JAKMIP2: variants seen among roughly 807,000 people sequenced by gnomAD.
The protein encoded by JAKMIP2 is janus kinase and microtubule interacting protein 2, also known as janus kinase and microtubule-interacting protein 2.
Under a neutral mutation model 115.0 loss-of-function variants are expected in JAKMIP2, and 25 were observed. The observed-to-expected ratio is 0.22, with a 90% CI of 0.16 to 0.30. The LOEUF is 0.30. Ranked by LOEUF, JAKMIP2 falls within the 10% of genes least tolerant of loss-of-function variation. JAKMIP2 has a pLI of 1.00. For synonymous variants in JAKMIP2, 334 were observed against 343.6 expected, an observed-to-expected ratio of 0.97 and a Z score of 0.31; for missense variants, 642 against 957.6, an observed-to-expected ratio of 0.67 and a Z score of 4.35.
At chr5:147,671,554 G>A (rs995950844) in intron 2 of JAKMIP2, 124 bp downstream of exon 2, 29 of 681,462 alleles carry the variant, frequency 4.3e-5, no homozygotes, top group Middle Eastern at 4.6e-4. Context: ...TACAGGGGAC[G>A]TTGCCCTCTC....
chr5:147,743,217 G>A (rs1430907719), intron 1 of JAKMIP2, among the ~76,000 whole-genome samples: 1 of 152,116 alleles, frequency 6.6e-6, no homozygotes, highest in Admixed American at 6.5e-5. Context: ...TTCAAGCCAA[G>A]GCTGTCTGAC....
intron 1 of JAKMIP2, 26 bp downstream of exon 1, chr5:147,782,430 A>C: frequency 1.3e-6 from 2 of 1,535,628 alleles, no homozygotes; most frequent in Non-Finnish European, 1.7e-6. Flanking sequence ...TAAACCAAGA[A>C]GGGAGCCCTA....
At chr5:147,657,189 G>A (rs901620924) in intron 3 of JAKMIP2, among the ~76,000 whole-genome samples, 3 of 152,040 alleles carry the variant, frequency 2.0e-5, no homozygotes, top group Non-Finnish European at 1.5e-5. Context: ...CTGAGGCAGG[G>A]GAATGGCATG....
At chr5:147,672,808 T>A (rs1486121676) in intron 1 of JAKMIP2, among the ~76,000 whole-genome samples, 1 of 151,972 alleles carries the variant, frequency 6.6e-6, no homozygotes, top group Non-Finnish European at 1.5e-5. Flanking sequence ...AAAAAGCAGG[T>A]GCCGAGACAC....
At position 147,586,234 on chromosome 5, in the gene JAKMIP2, C is replaced by G. The variant is rs1754865278; in HGVS notation, c.*5473G>C. 6.6e-6 allele frequency: 1 copy of G among 152,118 alleles called. No homozygotes were observed. The highest frequency in any genetic ancestry group is 6.6e-5 in the Admixed American group (1 of 15,264). The allele number at this position is 152,118 out of a possible 1,614,324, so 9.4% of individuals were successfully genotyped here. On this transcript the variant is annotated 3_prime_UTR_variant, in exon 22 of 22. Transcript: ENST00000616793. The stretch of plus-strand genomic sequence containing the variant: ...TTTCTTGAAGTCCTGCATCCTAGAA[C>G]AGAAGTACACGTTTAGTAAGCGCTC...
chr5:147,743,991 CTAACTTCT>C (rs1460754476), intron 1 of JAKMIP2, among the ~76,000 whole-genome samples: 12 of 132,556 alleles, frequency 9.1e-5, no homozygotes, highest in Non-Finnish European at 1.8e-4. Flanking sequence ...TCCTTCCTTC[CTAACTTCT>C]TTCCTTCCTT....
intron 1 of JAKMIP2, among the ~76,000 whole-genome samples, chr5:147,762,817 T>C (rs1754976014): frequency 6.6e-6 from 1 of 152,170 alleles, no homozygotes; most frequent in African/African-American, 2.4e-5. Context: ...AAGTGATTTT[T>C]ATTCAATTAT....
chr5:147,745,746 A>G (rs534071990), intron 1 of JAKMIP2, among the ~76,000 whole-genome samples: 1 of 152,334 alleles, frequency 6.6e-6, no homozygotes, highest in Admixed American at 6.5e-5. Flanking sequence ...CACAGACATC[A>G]TTAGGACAAT....
chr5:147,719,978 G>A (rs1189972533), intron 1 of JAKMIP2, among the ~76,000 whole-genome samples: 31 of 152,086 alleles, frequency 2.0e-4, no homozygotes, highest in African/African-American at 5.1e-4. Flanking sequence ...ATTTTGCAGC[G>A]GCTGGTACCG....
At chr5:147,618,354 T>C (rs1394632866) in intron 18 of JAKMIP2, among the ~76,000 whole-genome samples, 1 of 152,254 alleles carries the variant, frequency 6.6e-6, no homozygotes, top group Non-Finnish European at 1.5e-5. Flanking sequence ...CATTTGTTCT[T>C]TCTTGGGACC....
Position 147,644,832 on chromosome 5 carries a change from A to C in JAKMIP2, c.1083+18T>G, listed in dbSNP as rs1418542633. 1 of 1,601,208 alleles carries C rather than the reference A, an allele frequency of 6.2e-7. No homozygotes were observed. Among genetic ancestry groups the C allele is most frequent in the Non-Finnish European group, 8.5e-7 (1 of 1,176,028 alleles). The stretch of plus-strand genomic sequence containing the variant: ...ATAATCAAGGAAGCTGCAGTTTTGC[A>C]GAGTCTGTGATACACACCATTTCTG... On this transcript the variant is annotated intron_variant, in intron 6 of 21. Transcript: ENST00000616793.
rs1383597088 is a variant in JAKMIP2, at chr5:147,628,602, A to G, written c.1995+149T>C. The G allele has an allele frequency of 8.0e-6, 4 of 502,966 alleles. No individual in the cohort carries two copies. The East Asian group carries it at 9.0e-5, about 11-fold the overall frequency. 31.2% of individuals were successfully genotyped at this position (502,966 alleles called of 1,614,324 possible). On this transcript the variant is annotated intron_variant, in intron 16 of 21. Transcript: ENST00000616793. ...CTTTTCGTTTGGGTGTTCTCATTCT[A>G]TCTGGGTTGTACTACCCTTAAAAAT...
At chr5:147,600,222 C>G (rs1288765483) in intron 21 of JAKMIP2, among the ~76,000 whole-genome samples, 1 of 150,668 alleles carries the variant, frequency 6.6e-6, no homozygotes, top group East Asian at 2.0e-4. Flanking sequence ...AGACTTAGTC[C>G]TCTTCTTTCC....
intron 13 of JAKMIP2, among the ~76,000 whole-genome samples, chr5:147,632,394 T>G (rs1757403122): frequency 6.6e-6 from 1 of 152,216 alleles, no homozygotes; most frequent in Non-Finnish European, 1.5e-5. Context: ...TTTAACTTAT[T>G]TAAAAATTAT....
intron 1 of JAKMIP2, among the ~76,000 whole-genome samples, chr5:147,746,944 T>C (rs1157554491): frequency 1.3e-5 from 2 of 152,180 alleles, no homozygotes; most frequent in Non-Finnish European, 2.9e-5. Context: ...TGCCCATAAG[T>C]TAGTGCTTTA....
In JAKMIP2 at chr5:147,618,864, C is replaced by T. The variant is rs142266247; in HGVS notation, c.2143-750G>A. On this transcript the variant is annotated intron_variant, in intron 18 of 21. Coordinates refer to ENST00000616793, the MANE Select transcript of JAKMIP2 (RefSeq NM_001270941.2). ...GTCTAAGTTAGAACAAAATACTGCC[C>T]CCGTTTTATTAATACATGACAAACC... Among the ~76,000 whole-genome samples the T allele has an allele frequency of 8.9e-4, 136 of 152,204 alleles. 1 individual carries two copies. Among genetic ancestry groups the T allele is most frequent in the African/African-American group, 3.1e-3 (128 of 41,540 alleles).
intron 16 of JAKMIP2, among the ~76,000 whole-genome samples, chr5:147,626,731 C>T (rs1438465220): frequency 1.3e-5 from 2 of 152,160 alleles, no homozygotes; most frequent in South Asian, 4.1e-4. Context: ...GATATTTCTC[C>T]CATCAGTCTC....
chr5:147,671,178 G>C (rs1016039478), intron 2 of JAKMIP2, among the ~76,000 whole-genome samples: 4 of 152,072 alleles, frequency 2.6e-5, no homozygotes, highest in African/African-American at 4.8e-5. Flanking sequence ...AGTGGGAGAT[G>C]AGTCAAAGAG....
At chr5:147,758,055 T>G (rs114507148) in intron 1 of JAKMIP2, among the ~76,000 whole-genome samples, 265 of 152,282 alleles carry the variant, frequency 1.7e-3, no homozygotes, top group African/African-American at 6.2e-3. Flanking sequence ...TATTAAAAGT[T>G]TATTCATCAT....
Sources: allele counts gnomAD v4.1 joint callset (sites outside exome capture counted in the v4.1 genomes callset), GRCh38; gene constraint gnomAD v4.1.1; transcripts MANE v1.5; gene names NCBI Gene and HGNC (gene_info 2026-07-23, HGNC 2026-07-21).